HECW1: variants seen among roughly 807,000 people sequenced by gnomAD.
The protein encoded by HECW1 is E3 ubiquitin-protein ligase HECW1.
In HECW1, 61 loss-of-function variants were observed where a neutral mutation model predicts 182.3. The observed-to-expected ratio is 0.33, with a 90% confidence interval of 0.27 to 0.41. HECW1 has a LOEUF of 0.41. Among genes scored for constraint, HECW1 ranks in the 10% least tolerant of loss-of-function variants. HECW1 has a pLI of 1.00. For missense variants in HECW1, 1,739 were observed against 2,108.9 expected (o/e 0.82, Z 3.44); for synonymous variants, 859 against 832.6 (o/e 1.03, Z -0.55).
chr7:43,378,342 G>C (rs997809256), intron 6 of HECW1, among the ~76,000 whole-genome samples: 1 of 152,226 alleles, frequency 6.6e-6, no homozygotes, highest in Admixed American at 6.5e-5. Context: ...GACTTGTCAG[G>C]AATAGGATTA....
intron 17 of HECW1, among the ~76,000 whole-genome samples, chr7:43,486,101 A>C (rs1371571410): frequency 6.6e-6 from 1 of 151,770 alleles, no homozygotes; most frequent in Non-Finnish European, 1.5e-5. Flanking sequence ...GAGTGAGAAC[A>C]TGAGGTGTTT....
intron 3 of HECW1, chr7:43,245,599 C>G (rs759427804): frequency 6.6e-6 from 1 of 152,200 alleles, no homozygotes; most frequent in African/African-American, 2.4e-5. Flanking sequence ...AAGCCAAATA[C>G]GCACACAGAT....
chr7:43,307,428 G>A (rs749008237), intron 3 of HECW1, among the ~76,000 whole-genome samples: 46 of 152,168 alleles, frequency 3.0e-4, no homozygotes, highest in Non-Finnish European at 5.3e-4. Flanking sequence ...ACAGAGATTG[G>A]GAGGGCCACC....
intron 8 of HECW1, among the ~76,000 whole-genome samples, chr7:43,431,552 A>G (rs2076549111): frequency 6.6e-6 from 1 of 152,136 alleles, no homozygotes; most frequent in Non-Finnish European, 1.5e-5. Flanking sequence ...TCCAGGCCTG[A>G]CCCATCTATG....
Position 43,444,432 on chromosome 7 carries a change from A to G in HECW1, c.1260A>G (p.Ala420=), listed in dbSNP as rs538672907. The part of the protein sequence containing the change: ...IELSRPAEEA[A]VITEAGDQGM... ...TTTCCAGACCAGCTGAGGAAGCAGCAGTCATCACGGAGGCAGGAGACCAGG... is the reference window on the plus strand; with the variant it reads ...TTTCCAGACCAGCTGAGGAAGCAGCGGTCATCACGGAGGCAGGAGACCAGG... Residue 420 remains alanine (A), a synonymous_variant, in exon 11 of 30, where the codon GCA becomes GCG. Coordinates refer to ENST00000395891, the MANE Select transcript of HECW1 (RefSeq NM_015052.5). This position sits in a 1 kb window ranked among gnomAD's most constrained non-coding sequence, Gnocchi z 4.3. 2.5e-6 allele frequency: 4 copies of G among 1,613,990 alleles called. No homozygotes were observed. Among genetic ancestry groups the G allele is most frequent in the Non-Finnish European group, 3.4e-6 (4 of 1,179,960 alleles).
intron 3 of HECW1, among the ~76,000 whole-genome samples, chr7:43,290,425 G>C (rs1584347386): frequency 1.3e-5 from 2 of 152,192 alleles, no homozygotes; most frequent in Middle Eastern, 6.8e-3. Flanking sequence ...ATTTGGTATT[G>C]GTATCTTATT....
chr7:43,373,171 C>A (rs192992697), intron 6 of HECW1, among the ~76,000 whole-genome samples: 1 of 150,750 alleles, frequency 6.6e-6, no homozygotes, highest in Non-Finnish European at 1.5e-5. Flanking sequence ...TGGTGCTGCC[C>A]ATGCACGTTG....
chr7:43,541,501 G>A (rs1197161316), intron 25 of HECW1, among the ~76,000 whole-genome samples: 2 of 152,198 alleles, frequency 1.3e-5, no homozygotes, highest in East Asian at 3.8e-4. Context: ...CTCATATCAT[G>A]GAGATGAATC....
At chr7:43,436,160 T>C (rs1280146086) in intron 8 of HECW1, among the ~76,000 whole-genome samples, 1 of 92,990 alleles carries the variant, frequency 1.1e-5, no homozygotes, top group African/African-American at 5.0e-5. Context: ...CTAGACTTTG[T>C]CTCAAAAAAA....
chr7:43,427,476 A>G (rs929129192), intron 8 of HECW1, among the ~76,000 whole-genome samples: 5 of 152,210 alleles, frequency 3.3e-5, no homozygotes, highest in Admixed American at 3.3e-4. Context: ...TTATTTAAAC[A>G]TCAACTGTCA....
chr7:43,396,266 G>T (rs1442152859), intron 6 of HECW1, among the ~76,000 whole-genome samples: 1 of 152,104 alleles, frequency 6.6e-6, no homozygotes, highest in Non-Finnish European at 1.5e-5. Flanking sequence ...TGTAACAATT[G>T]TGTTCTGAAA....
chr7:43,201,219 G>A (rs58601837), intron 2 of HECW1, among the ~76,000 whole-genome samples: 8,699 of 152,230 alleles, frequency 0.057, 359 homozygotes, highest in African/African-American at 0.11. Flanking sequence ...CTCTCTGGGC[G>A]TGGTGAATTA....
intron 24 of HECW1, among the ~76,000 whole-genome samples, chr7:43,522,718 C>G (rs557181089): frequency 6.6e-6 from 1 of 152,270 alleles, no homozygotes; most frequent in East Asian, 1.9e-4. Context: ...TACACCAAAC[C>G]CCCTATTAGC....
At chr7:43,441,626 C>G (rs2076890940) in intron 9 of HECW1, among the ~76,000 whole-genome samples, 1 of 152,174 alleles carries the variant, frequency 6.6e-6, no homozygotes, top group Admixed American at 6.5e-5. Context: ...ATATTTTAGG[C>G]TTTGCAAGGC....
In HECW1 at chr7:43,483,918, G is replaced by A. The variant is rs367966138; in HGVS notation, c.3234+4174G>A. ...GAAGGGCTGTGGCAAAGAGCTATTCGAGAGAGGCCTGCTAGAGACCACTGC... is the reference window on the plus strand; with the variant it reads ...GAAGGGCTGTGGCAAAGAGCTATTCAAGAGAGGCCTGCTAGAGACCACTGC... On this transcript the variant is annotated intron_variant, in intron 17 of 29. Transcript: ENST00000395891. 1.5e-3 allele frequency among the ~76,000 whole-genome samples: 232 copies of A among 152,194 alleles called. 1 individual carries two copies. In the Middle Eastern group the frequency reaches 0.017, roughly 11 times the overall value.
chr7:43,217,012 G>A (rs938952745), intron 2 of HECW1, among the ~76,000 whole-genome samples: 7 of 152,100 alleles, frequency 4.6e-5, no homozygotes, highest in Admixed American at 1.3e-4. Context: ...GGGTTCTGTG[G>A]CTCACAGTCT....
Position 43,278,131 on chromosome 7 carries a change from C to G in HECW1, c.28-33632C>G, listed in dbSNP as rs550984173. Reference sequence around the variant, plus strand: ...TCAGACCCTGCCCCTGAATGTTCCCCTGAATATTCAGCTCCTGCTTGAGGT... The same window carrying G: ...TCAGACCCTGCCCCTGAATGTTCCCGTGAATATTCAGCTCCTGCTTGAGGT... On this transcript the variant is annotated intron_variant, in intron 3 of 29. Coordinates refer to ENST00000395891, the MANE Select transcript of HECW1 (RefSeq NM_015052.5). Among the ~76,000 whole-genome samples the G allele has an allele frequency of 3.3e-5, 5 of 152,254 alleles. No individual in the cohort carries two copies. In the East Asian group the frequency reaches 9.7e-4, roughly 29 times the overall value.
Position 43,307,081 on chromosome 7 carries a change from A to G in HECW1, c.28-4682A>G, listed in dbSNP as rs910182666. 2.6e-5 allele frequency among the ~76,000 whole-genome samples: 4 copies of G among 152,296 alleles called. No individual in the cohort carries two copies. In the South Asian group the frequency reaches 6.2e-4, roughly 24 times the overall value. ...TCTGCTACAAATAGGAAAAAAAACC[A>G]AAAACAAAAAAACCAGCAGATGGTT... On this transcript the variant is annotated intron_variant, in intron 3 of 29. Transcript: ENST00000395891.
intron 7 of HECW1, among the ~76,000 whole-genome samples, chr7:43,400,220 A>G (rs1490436144): frequency 6.6e-6 from 1 of 152,234 alleles, no homozygotes; most frequent in Non-Finnish European, 1.5e-5. Context: ...TGGGCAACAG[A>G]GCAAGACCCT....
Sources: allele counts gnomAD v4.1 joint callset (sites outside exome capture counted in the v4.1 genomes callset), GRCh38; gene constraint gnomAD v4.1.1; non-coding constraint Gnocchi (gnomAD v3.1); transcripts MANE v1.5; gene names NCBI Gene and HGNC (gene_info 2026-07-23, HGNC 2026-07-21).